The following SYNJ2BP variants were observed in gnomAD, a reference collection of about 807,000 sequenced individuals.
The protein encoded by SYNJ2BP is synaptojanin 2 binding protein, also known as synaptojanin-2-binding protein.
Under a neutral mutation model 16.9 loss-of-function variants are expected in SYNJ2BP, and 10 were observed. That is an observed-to-expected ratio of 0.59 (90% CI 0.36 to 1.00). SYNJ2BP has a LOEUF of 1.00. Among genes scored for constraint, SYNJ2BP ranks in the 50% least tolerant of loss-of-function variants. The probability of loss-of-function intolerance (pLI) is 0.01; values close to 1 mark genes in which losing one functional copy is unlikely to be tolerated. For missense variants in SYNJ2BP, 162 were observed against 186.7 expected (o/e 0.87, Z 0.77); for synonymous variants, 54 against 68.4 (o/e 0.79, Z 1.04).
rs1386368393 is a variant in SYNJ2BP at position 70,371,870 on chromosome 14, G to C, written c.*1121C>G. 1 of 152,162 alleles carries C rather than the reference G, an allele frequency of 6.6e-6. No homozygotes were observed. Among genetic ancestry groups the C allele is most frequent in the African/African-American group, 2.4e-5 (1 of 41,418 alleles). The allele number at this position is 152,162 out of a possible 1,614,324, so 9.4% of individuals were successfully genotyped here. ...CACTACCTTATCTTTTGTCCTTTTA[G>C]AGTTTTCTTGCTGGGGTGTTTGGCT... On this transcript the variant is annotated 3_prime_UTR_variant, in exon 4 of 4. Transcript: ENST00000256366.
chr14:70,392,595 T>C (rs181758806), intron 1 of SYNJ2BP, among the ~76,000 whole-genome samples: 1 of 152,162 alleles, frequency 6.6e-6, no homozygotes, highest in Non-Finnish European at 1.5e-5. Context: ...CCAAACTAGA[T>C]AGTTTGACAG....
At chr14:70,409,536 G>T (rs1027163524) in intron 1 of SYNJ2BP, among the ~76,000 whole-genome samples, 7 of 152,100 alleles carry the variant, frequency 4.6e-5, no homozygotes, top group African/African-American at 1.7e-4. Flanking sequence ...GTAATTCCTA[G>T]ATATTTTACT....
At chr14:70,410,899 T>C (rs1465108599) in intron 1 of SYNJ2BP, among the ~76,000 whole-genome samples, 1 of 152,102 alleles carries the variant, frequency 6.6e-6, no homozygotes, top group Non-Finnish European at 1.5e-5. Flanking sequence ...AAATAACTAA[T>C]GGGTACTAGG....
intron 1 of SYNJ2BP, among the ~76,000 whole-genome samples, chr14:70,414,954 GC>G (rs1888569652): frequency 6.6e-6 from 1 of 152,050 alleles, no homozygotes; most frequent in African/African-American, 2.4e-5. Flanking sequence ...ATATAAAATA[GC>G]AAAAAAATGA....
intron 1 of SYNJ2BP, among the ~76,000 whole-genome samples, chr14:70,391,650 T>C (rs949892778): frequency 1.3e-5 from 2 of 152,130 alleles, no homozygotes; most frequent in Non-Finnish European, 2.9e-5. Flanking sequence ...AGGAAGCAAA[T>C]GTTAAGCAGC....
At chr14:70,416,640 C>G (rs1888616507) in intron 1 of SYNJ2BP, among the ~76,000 whole-genome samples, 2 of 152,150 alleles carry the variant, frequency 1.3e-5, no homozygotes, top group Non-Finnish European at 2.9e-5. Context: ...GCTTTTCTAG[C>G]ACGATTTGCA....
intron 2 of SYNJ2BP, among the ~76,000 whole-genome samples, chr14:70,380,253 T>C (rs762329776): frequency 1.3e-5 from 2 of 152,210 alleles, no homozygotes; most frequent in East Asian, 3.8e-4. Flanking sequence ...TGAATTTACA[T>C]GGCAAGCAAG....
intron 1 of SYNJ2BP, among the ~76,000 whole-genome samples, chr14:70,389,091 A>C (rs1040332570): frequency 2.0e-5 from 3 of 152,068 alleles, no homozygotes; most frequent in Non-Finnish European, 4.4e-5. Flanking sequence ...TACAGGTGTG[A>C]GCCACCATGC....
chr14:70,402,325 T>C (rs1888257350), intron 1 of SYNJ2BP, among the ~76,000 whole-genome samples: 1 of 152,228 alleles, frequency 6.6e-6, no homozygotes, highest in African/African-American at 2.4e-5. Flanking sequence ...TATAGGCAGC[T>C]ACTCATTTTA....
chr14:70,386,938 A>G (rs76459746), intron 2 of SYNJ2BP, among the ~76,000 whole-genome samples: 2,663 of 152,320 alleles, frequency 0.017, 78 homozygotes, highest in African/African-American at 0.06. Flanking sequence ...TCTGTACTTC[A>G]TTCATTTATT....
rs1887493593 is a variant in SYNJ2BP at position 70,370,413 on chromosome 14, T to C, written c.*2578A>G. On this transcript the variant is annotated 3_prime_UTR_variant, in exon 4 of 4. Transcript: ENST00000256366. ...TGACAACTAGAATGTTGTCCGTGTT[T>C]TTCTGTGGAACCTACAATGAGTCCA... 6.6e-6 allele frequency: 1 copy of C among 152,146 alleles called. No individual in the cohort carries two copies. Among genetic ancestry groups the C allele is most frequent in the African/African-American group, 2.4e-5 (1 of 41,446 alleles). The allele number at this position is 152,146 out of a possible 1,614,324, so 9.4% of individuals were successfully genotyped here. A position where few individuals can be genotyped will look rare whatever the true frequency, so the allele number is the denominator to read the frequency against.
chr14:70,411,415 T>C (rs1217853727), intron 1 of SYNJ2BP, among the ~76,000 whole-genome samples: 2 of 152,308 alleles, frequency 1.3e-5, no homozygotes, highest in East Asian at 3.9e-4. Context: ...TCCTAATCAA[T>C]GGCTAGGAAG....
intron 1 of SYNJ2BP, among the ~76,000 whole-genome samples, chr14:70,408,495 A>G (rs1345168841): frequency 6.6e-6 from 1 of 152,018 alleles, no homozygotes; most frequent in Non-Finnish European, 1.5e-5. Flanking sequence ...ACATGGTGAA[A>G]CCCCATCTCT....
At chr14:70,397,382 G>A (rs377162658) in intron 1 of SYNJ2BP, among the ~76,000 whole-genome samples, 3 of 152,210 alleles carry the variant, frequency 2.0e-5, no homozygotes, top group African/African-American at 7.2e-5. Flanking sequence ...GGATACTGAG[G>A]TCTAACTATT....
chr14:70,416,796 G>A, intron 1 of SYNJ2BP, 104 bp downstream of exon 1: 1 of 1,569,142 alleles, frequency 6.4e-7, no homozygotes. Flanking sequence ...TCTAGGTTGT[G>A]GCCTGCCCGC....
rs138478809 is a variant in SYNJ2BP at position 70,369,996 on chromosome 14, A to G, written c.*2995T>C. 139 of 152,322 alleles carry G rather than the reference A, an allele frequency of 9.1e-4. No homozygotes were observed. Among genetic ancestry groups the G allele is most frequent in the African/African-American group, 3.2e-3 (135 of 41,568 alleles). The allele number at this position is 152,322 out of a possible 1,614,324, so 9.4% of individuals were successfully genotyped here. A position where few individuals can be genotyped will look rare whatever the true frequency, so the allele number is the denominator to read the frequency against. On this transcript the variant is annotated 3_prime_UTR_variant, in exon 4 of 4. Transcript: ENST00000256366. The stretch of plus-strand genomic sequence containing the variant: ...TAATGGATCCTGATACCTCATCTAT[A>G]ATTTTAGTTTTCTATAGAATCAATA...
At chr14:70,376,966 C>T (rs534880867) in intron 2 of SYNJ2BP, among the ~76,000 whole-genome samples, 2 of 152,318 alleles carry the variant, frequency 1.3e-5, no homozygotes, top group South Asian at 4.1e-4. Context: ...CTTGCCAATA[C>T]AGTTGGTGAA....
At chr14:70,404,970 A>G (rs2140864352) in intron 1 of SYNJ2BP, among the ~76,000 whole-genome samples, 1 of 152,270 alleles carries the variant, frequency 6.6e-6, no homozygotes. Flanking sequence ...TACAAAAAAT[A>G]CAAAAAATTA....
At chr14:70,403,667 C>T (rs922536357) in intron 1 of SYNJ2BP, among the ~76,000 whole-genome samples, 3 of 152,176 alleles carry the variant, frequency 2.0e-5, no homozygotes, top group Non-Finnish European at 4.4e-5. Context: ...ATAATCCACC[C>T]CTTGTTTAGC....
Sources: allele counts gnomAD v4.1 joint callset (sites outside exome capture counted in the v4.1 genomes callset), GRCh38; gene constraint gnomAD v4.1.1; transcripts MANE v1.5; gene names NCBI Gene and HGNC (gene_info 2026-07-23, HGNC 2026-07-21).